Variants in DMD observed in about 807,000 individuals in gnomAD.
The protein encoded by DMD is mutant dystrophin.
In DMD, 63 loss-of-function variants were observed where a neutral mutation model predicts 330.1. That is an observed-to-expected ratio of 0.19 (90% CI 0.16 to 0.24). DMD has a LOEUF of 0.24. DMD is among the 10% of genes least tolerant of loss of function. The probability of loss-of-function intolerance (pLI) is 1.00; values close to 1 mark genes in which losing one functional copy is unlikely to be tolerated. For missense variants in DMD, 3,344 were observed against 2,684.1 expected (o/e 1.25, Z -5.43); for synonymous variants, 1,223 against 959.8 (o/e 1.27, Z -5.07).
intron 43 of DMD, among the ~76,000 whole-genome samples, chrX:32,285,692 G>GT (rs77333140): frequency 0.14 from 14,983 of 110,285 alleles, 1,029 homozygotes; most frequent in Admixed American, 0.26. Context: ...AGATAAATCT[G>GT]TTTTTTTGTT....
rs188729810 is a variant in DMD at position 33,224,033 on chromosome X, T to C, written c.7+115226A>G. On this transcript the variant is annotated intron_variant, in intron 1 of 17. Coordinates refer to the DMD transcript ENST00000288447. ...ATTGCAAATTAAAACAACAATGTGA[T>C]GCTACTACATACCTCTTAGAATGGT... Among the ~76,000 whole-genome samples the C allele has an allele frequency of 2.7e-5, 3 of 112,434 alleles. No homozygotes were observed. The Admixed American group carries it at 2.8e-4, about 11-fold the overall frequency.
At chrX:33,222,173 C>A (rs1323370729) in intron 1 of DMD, among the ~76,000 whole-genome samples, 1 of 111,797 alleles carries the variant, frequency 8.9e-6, no homozygotes, top group Non-Finnish European at 1.9e-5. Context: ...AATTTCAGCA[C>A]ATAAAATTCA....
At chrX:31,655,920 A>C (rs976469618) in intron 54 of DMD, among the ~76,000 whole-genome samples, 3 of 112,231 alleles carry the variant, frequency 2.7e-5, no homozygotes, top group African/African-American at 6.5e-5. Context: ...CATTTGGAGA[A>C]AGAGATTGGA....
chrX:32,320,706 A>G (rs968269175), intron 41 of DMD, among the ~76,000 whole-genome samples: 1 of 112,235 alleles, frequency 8.9e-6, no homozygotes, highest in Non-Finnish European at 1.9e-5. Flanking sequence ...CTCAATTAAT[A>G]TTCTTTTATA....
chrX:31,456,744 C>T (rs2066186342), intron 59 of DMD, among the ~76,000 whole-genome samples: 1 of 109,278 alleles, frequency 9.2e-6, no homozygotes, highest in South Asian at 3.9e-4. Context: ...GTCCACAAAA[C>T]GGGAATGGCA....
intron 1 of DMD, among the ~76,000 whole-genome samples, chrX:33,070,653 C>CTCTCTT (rs1392391996): frequency 1.0e-4 from 4 of 39,672 alleles, no homozygotes; most frequent in African/African-American, 2.1e-4. Flanking sequence ...CTCTCTCTCT[C>CTCTCTT]TCTCTCTCTC....
intron 11 of DMD, among the ~76,000 whole-genome samples, chrX:32,617,158 G>C (rs2057647392): frequency 9.1e-6 from 1 of 110,391 alleles, no homozygotes; most frequent in Admixed American, 9.7e-5. Context: ...TACTACATTA[G>C]AAAACTATGG....
At position 32,334,153 on chromosome X, in the gene DMD, T is replaced by G. The variant is rs775799223; in HGVS notation, c.5922+7947A>C. On this transcript the variant is annotated intron_variant, in intron 41 of 78. Transcript: ENST00000357033. ...ATAACCACTATGATCATCAACAATC[T>G]AGAAAAACATAAAATGTTAGCTAAT... Among the ~76,000 whole-genome samples, 8 of 111,321 alleles carry G rather than the reference T, an allele frequency of 7.2e-5. No individual in the cohort carries two copies. In the South Asian group the frequency reaches 2.3e-3, roughly 31 times the overall value.
chrX:31,399,998 T>C (rs1367307835), intron 60 of DMD, among the ~76,000 whole-genome samples: 2 of 111,827 alleles, frequency 1.8e-5, no homozygotes, highest in East Asian at 2.8e-4. Context: ...AGAAAGTAAA[T>C]GCAAGGTGCA....
chrX:31,505,781 G>C (rs1042551133), intron 56 of DMD, among the ~76,000 whole-genome samples: 4 of 110,721 alleles, frequency 3.6e-5, no homozygotes, highest in African/African-American at 1.3e-4. Flanking sequence ...CTACAGGCGC[G>C]TGCCACCATG....
intron 48 of DMD, among the ~76,000 whole-genome samples, chrX:31,840,439 C>T (rs973085522): frequency 9.2e-6 from 1 of 108,981 alleles, no homozygotes; most frequent in Admixed American, 9.9e-5. Context: ...ATAATATGCA[C>T]ATATAATACA....
intron 1 of DMD, among the ~76,000 whole-genome samples, chrX:33,286,630 A>G (rs1476813616): frequency 2.7e-5 from 3 of 111,861 alleles, no homozygotes; most frequent in African/African-American, 9.7e-5. Flanking sequence ...AACAATACAT[A>G]ATGTTGTTGT....
intron 4 of DMD, among the ~76,000 whole-genome samples, chrX:32,828,455 C>A (rs896801533): frequency 9.3e-6 from 1 of 107,944 alleles, no homozygotes; most frequent in Non-Finnish European, 1.9e-5. Flanking sequence ...TGTGTATACA[C>A]ACACACACAC....
At chrX:31,321,649 T>C (rs1191390377) in intron 62 of DMD, among the ~76,000 whole-genome samples, 2 of 100,273 alleles carry the variant, frequency 2.0e-5, no homozygotes, top group East Asian at 3.2e-4. Flanking sequence ...GTGACTTGCC[T>C]AAAGCCATAC....
rs1438909747 is a variant in DMD, at chrX:31,496,821, A to G, written c.8514T>C (p.Phe2838=). The G allele has an allele frequency of 1.6e-6, 2 of 1,212,265 alleles. No individual in the cohort carries two copies. Among genetic ancestry groups the G allele is most frequent in the Admixed American group, 2.2e-5 (1 of 46,091 alleles). The change falls in exon 57 of 79, where the codon TTT becomes TTC. Residue 2838 remains phenylalanine, a synonymous_variant. Transcript: ENST00000357033. ...CATCGTTCTGCTTCTGAACTGCTGG[A>G]AAGTCGCCTCCAATAGGTGCCTGCC... ...LSRQAPIGGD[F]PAVQKQNDVH...
chrX:32,806,136 G>T (rs868415604), intron 7 of DMD, among the ~76,000 whole-genome samples: 6 of 111,991 alleles, frequency 5.4e-5, no homozygotes, highest in Middle Eastern at 4.7e-3. Flanking sequence ...GACACAGACT[G>T]GCAAATTGGA....
At chrX:32,736,771 TG>T (rs1338385599) in intron 7 of DMD, among the ~76,000 whole-genome samples, 2 of 37,943 alleles carry the variant, frequency 5.3e-5, no homozygotes, top group Non-Finnish European at 1.0e-4. Flanking sequence ...TGTGGTGGGG[TG>T]GGGGGAGGGG....
intron 62 of DMD, among the ~76,000 whole-genome samples, chrX:31,284,571 T>TCTTCTTCTTCCTCCTTCTTCTTC (rs2052935493): frequency 1.3e-5 from 1 of 79,343 alleles, no homozygotes; most frequent in African/African-American, 4.9e-5. Flanking sequence ...TTCTTCTTCT[T>TCTTCTTCTTCCTCCTTCTTCTTC]CTTCTTCTTC....
chrX:32,335,557 G>A (rs1188403599), intron 41 of DMD, among the ~76,000 whole-genome samples: 1 of 60,862 alleles, frequency 1.6e-5, no homozygotes, highest in East Asian at 5.3e-4. Flanking sequence ...ACGTGTATAT[G>A]TTATATAACA....
Sources: allele counts gnomAD v4.1 joint callset (sites outside exome capture counted in the v4.1 genomes callset), GRCh38; gene constraint gnomAD v4.1.1; transcripts MANE v1.5; gene names NCBI Gene and HGNC (gene_info 2026-07-23, HGNC 2026-07-21).